PRKG1: variants seen among roughly 807,000 people sequenced by gnomAD.
The protein encoded by PRKG1 is cGMP-dependent protein kinase 1.
PRKG1 carries 35 observed loss-of-function variants against 88.1 expected under a neutral mutation model. The ratio of observed to expected loss-of-function variants is 0.40; its 90% CI spans 0.30 to 0.53. PRKG1 has a LOEUF of 0.53. Among genes scored for constraint, PRKG1 ranks in the 20% least tolerant of loss-of-function variants. The pLI, the probability that PRKG1 is intolerant of heterozygous loss-of-function variation, is 0.59. For synonymous variants in PRKG1, 303 were observed against 292.5 expected (o/e 1.04, Z -0.37); for missense variants, 540 against 839.8 (o/e 0.64, Z 4.41).
intron 5 of PRKG1, among the ~76,000 whole-genome samples, chr10:52,034,346 C>T (rs567300602): frequency 3.6e-4 from 42 of 117,356 alleles, no homozygotes; most frequent in African/African-American, 1.3e-3. Flanking sequence ...TTAGGGGTGA[C>T]GTGGGAACCT....
chr10:51,283,526 A>G (rs959980881), intron 2 of PRKG1, among the ~76,000 whole-genome samples: 4 of 152,170 alleles, frequency 2.6e-5, no homozygotes, highest in Non-Finnish European at 5.9e-5. Flanking sequence ...ACTGAGATCA[A>G]TGGCAGTAAG....
chr10:51,825,759 T>A (rs1007326546), intron 4 of PRKG1, among the ~76,000 whole-genome samples: 2 of 152,146 alleles, frequency 1.3e-5, no homozygotes, highest in Non-Finnish European at 2.9e-5. Flanking sequence ...TGCACATTTT[T>A]AAAATTAATC....
intron 12 of PRKG1, among the ~76,000 whole-genome samples, chr10:52,279,853 T>C (rs1171420536): frequency 1.3e-5 from 2 of 151,960 alleles, no homozygotes; most frequent in Non-Finnish European, 2.9e-5. Flanking sequence ...TAAATTGTGC[T>C]TACTACTCGG....
intron 1 of PRKG1, among the ~76,000 whole-genome samples, chr10:51,113,849 G>A (rs543392852): frequency 2.8e-3 from 429 of 151,648 alleles, no homozygotes; most frequent in Middle Eastern, 0.028. Context: ...AGTAGCAGTT[G>A]GCGTTGCACC....
intron 3 of PRKG1, among the ~76,000 whole-genome samples, chr10:51,556,308 A>G (rs1293634923): frequency 1.3e-5 from 2 of 152,108 alleles, no homozygotes; most frequent in Non-Finnish European, 2.9e-5. Context: ...TATTTATTGT[A>G]TATACTATAT....
At chr10:52,088,826 A>T (rs1846980264) in intron 7 of PRKG1, among the ~76,000 whole-genome samples, 1 of 152,134 alleles carries the variant, frequency 6.6e-6, no homozygotes, top group African/African-American at 2.4e-5. Flanking sequence ...ATCACCCTTA[A>T]ATATTCCACT....
intron 9 of PRKG1, among the ~76,000 whole-genome samples, chr10:52,196,065 T>G (rs1470226313): frequency 2.0e-5 from 3 of 152,102 alleles, no homozygotes; most frequent in Non-Finnish European, 4.4e-5. Flanking sequence ...CAGGTTGGAG[T>G]GCAGTGGCAC....
At chr10:51,673,111 A>G (rs1840625302) in intron 3 of PRKG1, among the ~76,000 whole-genome samples, 1 of 152,098 alleles carries the variant, frequency 6.6e-6, no homozygotes. Context: ...AGTTTTATTC[A>G]TTCTTTTGTT....
At chr10:51,481,454 G>T (rs1202304787) in intron 3 of PRKG1, among the ~76,000 whole-genome samples, 1 of 152,032 alleles carries the variant, frequency 6.6e-6, no homozygotes, top group African/African-American at 2.4e-5. Context: ...TCGCCATGTT[G>T]GCCAGGCTAA....
chr10:51,370,017 G>A (rs985698377), intron 2 of PRKG1, among the ~76,000 whole-genome samples: 16 of 152,090 alleles, frequency 1.1e-4, no homozygotes, highest in Admixed American at 3.9e-4. Context: ...TGGAGTGATT[G>A]CTGCCTTCTG....
intron 3 of PRKG1, among the ~76,000 whole-genome samples, chr10:51,785,016 T>C (rs945628058): frequency 6.6e-6 from 1 of 152,070 alleles, no homozygotes; most frequent in Admixed American, 6.6e-5. Context: ...AGGGTTGTTA[T>C]TCTTTCTTCC....
At chr10:51,535,725 AT>A (rs34150180) in intron 3 of PRKG1, among the ~76,000 whole-genome samples, 38,461 of 144,956 alleles carry the variant, frequency 0.27, 6,837 homozygotes, top group East Asian at 0.86. Flanking sequence ...GAAATCAATG[AT>A]TTTTTTTTTT....
At chr10:52,095,567 T>C (rs1225596388) in intron 7 of PRKG1, among the ~76,000 whole-genome samples, 1 of 152,160 alleles carries the variant, frequency 6.6e-6, no homozygotes. Flanking sequence ...TATTGTTAGG[T>C]CCCAAATTTC....
chr10:51,495,424 A>G (rs1229317023), intron 3 of PRKG1, among the ~76,000 whole-genome samples: 1 of 152,172 alleles, frequency 6.6e-6, no homozygotes, highest in East Asian at 1.9e-4. Flanking sequence ...TTTGAACTTG[A>G]ATACTAGTAT....
chr10:51,199,555 C>CA (rs1163758619), intron 2 of PRKG1, among the ~76,000 whole-genome samples: 2 of 152,136 alleles, frequency 1.3e-5, no homozygotes, highest in African/African-American at 4.8e-5. Context: ...GTTACCAGCA[C>CA]AATGGCCTGT....
At chr10:51,082,707 G>A (rs937162112) in intron 1 of PRKG1, among the ~76,000 whole-genome samples, 2 of 149,120 alleles carry the variant, frequency 1.3e-5, no homozygotes, top group East Asian at 2.0e-4. Flanking sequence ...AGGGGCCTGC[G>A]AAAGCATAGC....
chr10:52,189,238 C>G (rs546482617), intron 9 of PRKG1, among the ~76,000 whole-genome samples: 5 of 152,264 alleles, frequency 3.3e-5, no homozygotes, highest in Admixed American at 2.6e-4. Context: ...AGATGTGTTG[C>G]TGATAAAATT....
chr10:51,166,920 C>T (rs980638529), intron 2 of PRKG1, among the ~76,000 whole-genome samples: 2 of 152,042 alleles, frequency 1.3e-5, no homozygotes, highest in African/African-American at 4.8e-5. Context: ...TAATGAACTT[C>T]CTTTTGCAAT....
In PRKG1 at chr10:51,016,692, T is replaced by TTTTTTTTTTTTTTTTTTTTTTC. The variant is rs1554830040; in HGVS notation, c.266+25048_266+25049insTTTTTTTTTTTTTTTTTTTTTC. On this transcript the variant is annotated intron_variant, in intron 1 of 17. Transcript: ENST00000401604. Reference sequence around the variant, plus strand: ...TCCTTTCTTTTTTTTTTTTTTTTTTTGGAATCTTGCTCTGTTGCCAGGCTG... The same window carrying TTTTTTTTTTTTTTTTTTTTTTC: ...TCCTTTCTTTTTTTTTTTTTTTTTTTTTTTTTTTTTTTTTTTTTTTTCGGAATCTTGCTCTGTTGCCAGGCTG... Among the ~76,000 whole-genome samples the TTTTTTTTTTTTTTTTTTTTTTC allele has an allele frequency of 5.3e-5, 7 of 133,244 alleles. 2 individuals carry two copies. Among genetic ancestry groups the TTTTTTTTTTTTTTTTTTTTTTC allele is most frequent in the African/African-American group, 1.5e-4 (5 of 34,024 alleles). The allele number at this position is 133,244 out of a possible 152,430, so 87.4% of individuals were successfully genotyped here. A position where few individuals can be genotyped will look rare whatever the true frequency, so the allele number is the denominator to read the frequency against.
Sources: allele counts gnomAD v4.1 joint callset (sites outside exome capture counted in the v4.1 genomes callset), GRCh38; gene constraint gnomAD v4.1.1; transcripts MANE v1.5; gene names NCBI Gene and HGNC (gene_info 2026-07-23, HGNC 2026-07-21).